The following STIM1 variants were observed in gnomAD, a reference collection of about 807,000 sequenced individuals.
STIM1 encodes stromal interaction molecule 1.
Under a neutral mutation model 74.7 loss-of-function variants are expected in STIM1, and 25 were observed. The observed-to-expected ratio is 0.33, with a 90% CI of 0.24 to 0.47. The LOEUF (loss-of-function observed/expected upper bound fraction) is 0.47, where lower values mean the gene tolerates loss of function less well. Ranked by LOEUF, STIM1 falls within the 20% of genes least tolerant of loss-of-function variation. STIM1 has a pLI of 1.00. For synonymous variants in STIM1, 328 were observed against 348.8 expected (o/e 0.94, Z 0.66); for missense variants, 728 against 920.8 (o/e 0.79, Z 2.71).
intron 1 of STIM1, among the ~76,000 whole-genome samples, chr11:3,917,051 A>G (rs2092654616): frequency 6.6e-6 from 1 of 152,212 alleles, no homozygotes; most frequent in Non-Finnish European, 1.5e-5. Context: ...TTTAGGGGCA[A>G]CTTTGAGAGT....
chr11:3,984,895 A>G (rs573954396), intron 2 of STIM1, among the ~76,000 whole-genome samples: 26 of 152,338 alleles, frequency 1.7e-4, no homozygotes, highest in Admixed American at 4.6e-4. Flanking sequence ...AAGGGCTGTA[A>G]TGGTAGTATG....
At chr11:3,931,554 A>G (rs2135560959) in intron 1 of STIM1, among the ~76,000 whole-genome samples, 1 of 152,310 alleles carries the variant, frequency 6.6e-6, no homozygotes, top group African/African-American at 2.4e-5. Flanking sequence ...CCATCTGTCA[A>G]GCCGACAGGA....
At chr11:4,014,580 G>A (rs532038000) in intron 2 of STIM1, among the ~76,000 whole-genome samples, 16 of 152,306 alleles carry the variant, frequency 1.1e-4, no homozygotes, top group African/African-American at 3.8e-4. Context: ...TTGGTCCAGA[G>A]CTGAGTTCAA....
chr11:4,035,401 G>A (rs1220791836), intron 3 of STIM1, among the ~76,000 whole-genome samples: 1 of 150,966 alleles, frequency 6.6e-6, no homozygotes, highest in Non-Finnish European at 1.5e-5. Flanking sequence ...CAATAACTTA[G>A]TATCCCTTAA....
intron 3 of STIM1, among the ~76,000 whole-genome samples, chr11:4,051,080 A>T (rs1394696840): frequency 6.6e-6 from 1 of 151,664 alleles, no homozygotes; most frequent in African/African-American, 2.4e-5. Context: ...CACACTCAGT[A>T]TACCTTTTAT....
chr11:4,034,300 G>A (rs2094080674), intron 3 of STIM1, among the ~76,000 whole-genome samples: 1 of 151,922 alleles, frequency 6.6e-6, no homozygotes, highest in Non-Finnish European at 1.5e-5. Context: ...GTTTTTTGTA[G>A]TGCCTCTCTA....
At chr11:3,895,379 A>G (rs913045731) in intron 1 of STIM1, among the ~76,000 whole-genome samples, 1 of 152,146 alleles carries the variant, frequency 6.6e-6, no homozygotes, top group South Asian at 2.1e-4. Flanking sequence ...AGACATTTCT[A>G]TGCAGTGTGG....
intron 2 of STIM1, among the ~76,000 whole-genome samples, chr11:3,991,974 A>G (rs60287145): frequency 0.26 from 11,377 of 43,826 alleles, 608 homozygotes; most frequent in South Asian, 0.41. Context: ...AAAAAAAAAG[A>G]AAAAAAAAAA....
intron 1 of STIM1, among the ~76,000 whole-genome samples, chr11:3,902,817 C>A (rs1170850889): frequency 6.6e-6 from 1 of 152,154 alleles, no homozygotes; most frequent in Non-Finnish European, 1.5e-5. Context: ...CTGAAGGTAG[C>A]ATTGCCAGAA....
chr11:4,002,561 C>T (rs1286828533), intron 2 of STIM1, among the ~76,000 whole-genome samples: 1 of 147,866 alleles, frequency 6.8e-6, no homozygotes, highest in African/African-American at 2.5e-5. Context: ...CACAACATAC[C>T]AGAATCTCTG....
intron 1 of STIM1, among the ~76,000 whole-genome samples, chr11:3,875,137 C>A (rs974471614): frequency 2.6e-5 from 4 of 152,088 alleles, no homozygotes; most frequent in Non-Finnish European, 5.9e-5. Flanking sequence ...GCCTGTTGAC[C>A]ATGGTGCTTG....
chr11:3,978,017 AG>A (rs2093465324), intron 2 of STIM1, among the ~76,000 whole-genome samples: 1 of 152,102 alleles, frequency 6.6e-6, no homozygotes, highest in South Asian at 2.1e-4. Flanking sequence ...ACACTGTAGG[AG>A]GCAGAGGTAG....
rs541053985 is a variant in STIM1, at chr11:3,982,493, G to T, written c.270+14811G>T. 4.6e-5 allele frequency among the ~76,000 whole-genome samples: 7 copies of T among 152,218 alleles called. No homozygotes were observed. The South Asian group carries it at 1.5e-3, about 32-fold the overall frequency. ...AGCAGTATTTCTACTTCTTTAACTC[G>T]TACTACCATTGCTATGATGTACTAG... On this transcript the variant is annotated intron_variant, in intron 2 of 12. Transcript: ENST00000526596.
chr11:3,962,429 T>G (rs2093296499), intron 1 of STIM1, among the ~76,000 whole-genome samples: 1 of 151,376 alleles, frequency 6.6e-6, no homozygotes, highest in Non-Finnish European at 1.5e-5. Flanking sequence ...CATTCTTCTT[T>G]TATGGCTGAG....
intron 1 of STIM1, among the ~76,000 whole-genome samples, chr11:3,964,713 A>G (rs1436803421): frequency 6.6e-6 from 1 of 150,816 alleles, no homozygotes; most frequent in Non-Finnish European, 1.5e-5. Context: ...TTGGATTTCT[A>G]TCTTTCTTTA....
Position 4,009,400 on chromosome 11 carries a change from A to T in STIM1, c.271-14473A>T, listed in dbSNP as rs565511065. On this transcript the variant is annotated intron_variant, in intron 2 of 12. Transcript: ENST00000526596. The stretch of plus-strand genomic sequence containing the variant: ...GGCCGAGGCAGGCAGATCACTTGAG[A>T]TCAGGAGTTCGAGACTAGCCTGGCC... Among the ~76,000 whole-genome samples, 6 of 151,994 alleles carry T rather than the reference A, an allele frequency of 3.9e-5. No homozygotes were observed. The East Asian group carries it at 1.2e-3, about 29-fold the overall frequency.
At chr11:3,935,371 A>G (rs1241850253) in intron 1 of STIM1, among the ~76,000 whole-genome samples, 1 of 152,196 alleles carries the variant, frequency 6.6e-6, no homozygotes, top group Non-Finnish European at 1.5e-5. Context: ...TCTCTTCATT[A>G]TACCCTGCTG....
intron 2 of STIM1, among the ~76,000 whole-genome samples, chr11:4,022,931 A>G (rs1170446414): frequency 1.3e-5 from 2 of 152,244 alleles, no homozygotes; most frequent in East Asian, 1.9e-4. Context: ...CTGTTGCCAC[A>G]TTCTATTTGT....
chr11:4,091,021 T>C (rs1453509081), intron 12 of STIM1, among the ~76,000 whole-genome samples: 3 of 152,066 alleles, frequency 2.0e-5, no homozygotes, highest in Non-Finnish European at 4.4e-5. Flanking sequence ...CTCCTTTTCC[T>C]GTCTCTTTTC....
Sources: gnomAD v4.1 joint callset for allele counts (sites outside exome capture counted in the v4.1 genomes callset) on GRCh38, gnomAD v4.1.1 for gene constraint, MANE v1.5 for transcripts, NCBI Gene and HGNC (gene_info 2026-07-23, HGNC 2026-07-21) for gene names.